The following PKD1L1 variants were observed in gnomAD, a reference collection of about 807,000 sequenced individuals.
PKD1L1 encodes polycystin-1-like protein 1.
PKD1L1 carries 236 observed loss-of-function variants against 323.4 expected under a neutral mutation model. The observed-to-expected ratio is 0.73, with a 90% CI of 0.66 to 0.81. The LOEUF is 0.81. Among genes scored for constraint, PKD1L1 ranks in the 40% least tolerant of loss-of-function variants. The pLI, the probability that PKD1L1 is intolerant of heterozygous loss-of-function variation, is 0.00. For missense variants in PKD1L1, 3,320 were observed against 3,508.0 expected (o/e 0.95, Z 1.35); for synonymous variants, 1,344 against 1,335.0 (o/e 1.01, Z -0.15).
intron 56 of PKD1L1, among the ~76,000 whole-genome samples, chr7:47,790,018 A>G (rs942034885): frequency 1.3e-5 from 2 of 151,926 alleles, no homozygotes; most frequent in African/African-American, 4.8e-5. Context: ...CCTCCCGAGT[A>G]GCTGGGACTA....
At chr7:47,795,896 C>A in intron 55 of PKD1L1, 93 bp downstream of exon 55, 1 of 1,413,340 alleles carries the variant, frequency 7.1e-7, no homozygotes, top group Admixed American at 2.1e-5. Flanking sequence ...GAAACATACT[C>A]ATGCTTTGAT....
intron 45 of PKD1L1, 119 bp downstream of exon 45, chr7:47,827,231 C>T: frequency 1.1e-6 from 1 of 899,028 alleles, no homozygotes; most frequent in African/African-American, 1.7e-5. Flanking sequence ...GTGGTCCCCA[C>T]CTCCACTCCC....
chr7:47,902,469 G>A lies in PKD1L1; in HGVS notation c.1974C>T (p.Val658=), dbSNP rs2128750680. Residue 658 remains valine, a synonymous_variant, in exon 13 of 57, where the codon GTC becomes GTT. Coordinates refer to ENST00000289672, the MANE Select transcript of PKD1L1 (RefSeq NM_138295.5). ...FTVEVLAFNN[V]SASTLRQQLF... is the part of the protein sequence containing the mutation. ...GTTGCTGTCTTAGAGTGGAGGCACT[G>A]ACATTATTGAAGGCAAGGACCTCCA... 6.2e-7 allele frequency: 1 copy of A among 1,614,074 alleles called. No individual in the cohort carries two copies. Among genetic ancestry groups the A allele is most frequent in the East Asian group, 2.2e-5 (1 of 44,890 alleles).
intron 37 of PKD1L1, 151 bp downstream of exon 37, chr7:47,836,770 G>A (rs1264178522): frequency 1.2e-5 from 12 of 992,056 alleles, no homozygotes; most frequent in South Asian, 9.8e-5. Context: ...GAGCCCTCCT[G>A]TTCCTTCTCT....
At chr7:47,788,878 T>A (rs939013779) in intron 56 of PKD1L1, among the ~76,000 whole-genome samples, 6 of 152,088 alleles carry the variant, frequency 3.9e-5, no homozygotes, top group Admixed American at 3.9e-4. Flanking sequence ...ATTTCAGGTG[T>A]AAGCCACCGT....
intron 36 of PKD1L1, among the ~76,000 whole-genome samples, chr7:47,838,665 A>G (rs1332060298): frequency 1.3e-5 from 2 of 152,106 alleles, no homozygotes; most frequent in Non-Finnish European, 2.9e-5. Flanking sequence ...GGATCACAAG[A>G]TCAAGAGATC....
intron 8 of PKD1L1, among the ~76,000 whole-genome samples, chr7:47,908,696 T>G (rs1787258750): frequency 6.6e-6 from 1 of 152,184 alleles, no homozygotes. Flanking sequence ...TCCCAAACCC[T>G]TATCCGTTTT....
chr7:47,843,066 T>C lies in PKD1L1; in HGVS notation c.5341A>G (p.Lys1781Glu). 6.2e-7 allele frequency: 1 copy of C among 1,614,018 alleles called. No homozygotes were observed. Among genetic ancestry groups the C allele is most frequent in the Non-Finnish European group, 8.5e-7 (1 of 1,179,938 alleles). The part of the protein sequence containing the change: ...SRQVDHHEKK[K>E]AGYIFLQEAS... ...TCTTGCAGAAAGATGTAACCAGCTT[T>C]CTTTTTTTCATGATGATCTACTTGT... The change falls in exon 34 of 57, where the codon AAA becomes GAA. Residue 1781 changes from lysine to glutamate, a missense_variant. Lys to Glu is a moderately conservative substitution (Grantham distance 56, BLOSUM62 1). Coordinates refer to ENST00000289672, the MANE Select transcript of PKD1L1 (RefSeq NM_138295.5).
At chr7:47,852,569 C>A (rs1001443990) in intron 31 of PKD1L1, among the ~76,000 whole-genome samples, 34 of 152,290 alleles carry the variant, frequency 2.2e-4, no homozygotes, top group Middle Eastern at 3.4e-3. Flanking sequence ...CCACTTCAGC[C>A]CACTGAGCTC....
At chr7:47,775,759 A>T (rs1584936241) in intron 56 of PKD1L1, among the ~76,000 whole-genome samples, 1 of 151,962 alleles carries the variant, frequency 6.6e-6, no homozygotes, top group East Asian at 1.9e-4. Context: ...AAACAGAAAA[A>T]AGTAAATAAT....
chr7:47,923,945 C>CA (rs1554413646), intron 7 of PKD1L1, among the ~76,000 whole-genome samples: 1 of 148,226 alleles, frequency 6.7e-6, no homozygotes, highest in Non-Finnish European at 1.5e-5. Flanking sequence ...ATCAACAACT[C>CA]TTTTTTTTTT....
At chr7:47,897,409 T>C (rs1786980342) in intron 14 of PKD1L1, among the ~76,000 whole-genome samples, 1 of 152,238 alleles carries the variant, frequency 6.6e-6, no homozygotes, top group Non-Finnish European at 1.5e-5. Flanking sequence ...GGTCTTCTTC[T>C]AGCCTTTGCC....
chr7:47,791,684 C>T (rs1010641768), intron 56 of PKD1L1, among the ~76,000 whole-genome samples: 3 of 152,144 alleles, frequency 2.0e-5, no homozygotes, highest in Admixed American at 6.5e-5. Context: ...TTTTCATAAA[C>T]GGTGTTCTTC....
At position 47,803,238 on chromosome 7, in the gene PKD1L1, T is replaced by G; in HGVS notation, c.7934A>C (p.His2645Pro). Residue 2645 changes from histidine to proline, a missense_variant, in exon 53 of 57, where the codon CAC (histidine) becomes CCC (proline). Physicochemically the swap from His to Pro is moderately conservative, Grantham distance 77. Transcript: ENST00000289672. ...TGCTACAAAGATGCTGGGGAGTGAGTGGCGCATCATGGAGGAGCAGGATGC... is the reference window on the plus strand; with the variant it reads ...TGCTACAAAGATGCTGGGGAGTGAGGGGCGCATCATGGAGGAGCAGGATGC... ...TMASCSSMMRHSLPSIFVAGL... is the reference protein window; with the variant it reads ...TMASCSSMMRPSLPSIFVAGL... 1 of 1,613,926 alleles carries G rather than the reference T, an allele frequency of 6.2e-7. No homozygotes were observed. Among genetic ancestry groups the G allele is most frequent in the Non-Finnish European group, 8.5e-7 (1 of 1,179,978 alleles).
At chr7:47,877,981 G>T (rs950037161) in intron 21 of PKD1L1, among the ~76,000 whole-genome samples, 9 of 151,420 alleles carry the variant, frequency 5.9e-5, no homozygotes, top group Non-Finnish European at 1.3e-4. Flanking sequence ...TCCCTACCTG[G>T]GAGTCACATG....
At chr7:47,819,643 G>T in intron 46 of PKD1L1, 36 of 822,394 alleles carry the variant, frequency 4.4e-5, no homozygotes, top group Non-Finnish European at 5.6e-5. Context: ...ATGCTCAGCA[G>T]AAAAAAAAAA....
chr7:47,939,777 G>T lies in PKD1L1; in HGVS notation c.285+416C>A, dbSNP rs867487155. Among the ~76,000 whole-genome samples the T allele has an allele frequency of 3.3e-5, 5 of 152,032 alleles. No homozygotes were observed. In the South Asian group the frequency reaches 1.0e-3, roughly 31 times the overall value. The stretch of plus-strand genomic sequence containing the variant: ...TCGGGGCAGCTCCCACTCCCCACCT[G>T]GGGGACAGCACCCACTCCCCACCCC... On this transcript the variant is annotated intron_variant, in intron 3 of 56. Coordinates refer to ENST00000289672, the MANE Select transcript of PKD1L1 (RefSeq NM_138295.5).
At chr7:47,829,275 T>C (rs1005498330) in intron 44 of PKD1L1, 150 bp downstream of exon 44, 4 of 692,394 alleles carry the variant, frequency 5.8e-6, no homozygotes, top group African/African-American at 3.6e-5. Context: ...CATACAGGTA[T>C]GTGCAAAGAA....
chr7:47,874,316 G>T (rs1181124491), intron 23 of PKD1L1, among the ~76,000 whole-genome samples: 5 of 152,172 alleles, frequency 3.3e-5, no homozygotes, highest in African/African-American at 1.2e-4. Context: ...GGGGACCCAG[G>T]AATTCCTTCA....
Sources: gnomAD v4.1 joint callset for allele counts (sites outside exome capture counted in the v4.1 genomes callset) on GRCh38, gnomAD v4.1.1 for gene constraint, MANE v1.5 for transcripts, NCBI Gene and HGNC (gene_info 2026-07-23, HGNC 2026-07-21) for gene names.